Variants in SLITRK3 observed in about 807,000 individuals in gnomAD.
SLITRK3 encodes the protein SLIT and NTRK-like protein 3.
In SLITRK3, 16 loss-of-function variants were observed where a neutral mutation model predicts 63.6. That is an observed-to-expected ratio of 0.25 (90% CI 0.17 to 0.38). The LOEUF (loss-of-function observed/expected upper bound fraction) is 0.38. Among genes scored for constraint, SLITRK3 ranks in the 10% least tolerant of loss-of-function variants. The pLI is 1.00. For missense variants in SLITRK3, 1,117 were observed against 1,181.4 expected (o/e 0.95, Z 0.80); for synonymous variants, 547 against 451.6 (o/e 1.21, Z -2.68).
At chr3:165,191,136 A>G (rs1397923019) in intron 1 of SLITRK3, among the ~76,000 whole-genome samples, 1 of 152,218 alleles carries the variant, frequency 6.6e-6, no homozygotes, top group Admixed American at 6.5e-5. Flanking sequence ...CCTCTGTATA[A>G]CAAACAACAG....
chr3:165,188,476 C>T lies in SLITRK3; in HGVS notation c.2355G>A (p.Pro785=). Residue 785 remains proline (P), a synonymous_variant, in exon 2 of 2, where the codon CCG becomes CCA. Transcript: ENST00000475390. ...TTCCTAGGAGAGCCTCACCCATTCC[C>T]GGTGGTTGTGTCCCTGGACCCCCAC... The part of the protein sequence containing the change: ...AERGGPGTQP[P]GMGEALLGSE... 4.3e-6 allele frequency: 7 copies of T among 1,613,974 alleles called. No individual in the cohort carries two copies. Among genetic ancestry groups the T allele is most frequent in the Admixed American group, 1.7e-5 (1 of 60,000 alleles).
chr3:165,191,052 A>T (rs1718205827), intron 1 of SLITRK3, among the ~76,000 whole-genome samples: 1 of 152,220 alleles, frequency 6.6e-6, no homozygotes, highest in South Asian at 2.1e-4. Flanking sequence ...ATATTGAACC[A>T]TGCAGTGACA....
rs573143996 is a variant in SLITRK3, at chr3:165,188,782, T to A, written c.2049A>T (p.Arg683=). The A allele has an allele frequency of 6.2e-7, 1 of 1,614,170 alleles. No homozygotes were observed. Among genetic ancestry groups the A allele is most frequent in the Admixed American group, 1.7e-5 (1 of 60,022 alleles). ...GCTTGCTTCTGAAGGGCAGCTTCTTTCGACGCCTTCGGAGCACGTAGGCAA... is the reference window on the plus strand; with the variant it reads ...GCTTGCTTCTGAAGGGCAGCTTCTTACGACGCCTTCGGAGCACGTAGGCAA... ...GLFAYVLRRR[R]KKLPFRSKRQ... Residue 683 remains arginine (R), a synonymous_variant, in exon 2 of 2, where the codon CGA becomes CGT. Coordinates refer to ENST00000475390, the MANE Select transcript of SLITRK3 (RefSeq NM_001318810.2).
At chr3:165,194,081 G>A (rs149116643) in intron 1 of SLITRK3, among the ~76,000 whole-genome samples, 19 of 152,192 alleles carry the variant, frequency 1.2e-4, no homozygotes, top group Non-Finnish European at 2.2e-4. Flanking sequence ...TAATCAACAG[G>A]ACCCGTGTGC....
In SLITRK3 at chr3:165,195,638, G is replaced by A. The variant is rs1166723341; in HGVS notation, c.-80C>T. ...TGCTGCGAGGGGCTACCCAGCAGGA[G>A]GGGCAAACTCTCTGCGAAGCTGAAT... On this transcript the variant is annotated 5_prime_UTR_variant, in exon 1 of 2. Coordinates refer to ENST00000475390, the MANE Select transcript of SLITRK3 (RefSeq NM_001318810.2). 1 of 152,526 alleles carries A rather than the reference G, an allele frequency of 6.6e-6. No homozygotes were observed. The highest frequency in any genetic ancestry group is 6.5e-5 in the Admixed American group (1 of 15,284). 9.4% of individuals were successfully genotyped at this position (152,526 alleles called of 1,614,324 possible).
In SLITRK3 at chr3:165,190,389, A is replaced by G; in HGVS notation, c.442T>C (p.Leu148=). The G allele has an allele frequency of 1.2e-6, 2 of 1,614,076 alleles. No homozygotes were observed. Among genetic ancestry groups the G allele is most frequent in the Non-Finnish European group, 8.5e-7 (1 of 1,179,992 alleles). Residue 148 remains leucine (L), a synonymous_variant, in exon 2 of 2, where the codon TTG becomes CTG. Coordinates refer to ENST00000475390, the MANE Select transcript of SLITRK3 (RefSeq NM_001318810.2). ...DVFRNDTFLG[L]ESLEYLQADY... ...GCCTGCAGATATTCTAGACTTTCCA[A>G]GCCAAGGAAGGTGTCATTTCTGAAG...
intron 1 of SLITRK3, among the ~76,000 whole-genome samples, chr3:165,191,791 G>T (rs1718236322): frequency 1.3e-5 from 2 of 152,310 alleles, no homozygotes; most frequent in Non-Finnish European, 2.9e-5. Flanking sequence ...CAGGTGGCTG[G>T]TTAGAGGGGA....
At chr3:165,193,457 G>C (rs749629776) in intron 1 of SLITRK3, among the ~76,000 whole-genome samples, 1 of 151,876 alleles carries the variant, frequency 6.6e-6, no homozygotes, top group Admixed American at 6.6e-5. Context: ...CTGCAATGAC[G>C]GGGATGGGGG....
upstream of SLITRK3, among the ~76,000 whole-genome samples, chr3:165,196,432 CGGGGGA>C (rs1718418681): frequency 1.2e-4 from 2 of 16,408 alleles, no homozygotes; most frequent in East Asian, 1.9e-3. Context: ...GGAGAAGGTG[CGGGGGA>C]GGGGGGTGGG....
At chr3:165,195,235 A>C (rs1718375856) in intron 1 of SLITRK3, among the ~76,000 whole-genome samples, 1 of 152,142 alleles carries the variant, frequency 6.6e-6, no homozygotes, top group Admixed American at 6.5e-5. Flanking sequence ...TTAGAAACGG[A>C]AAATTATTAA....
At chr3:165,191,278 C>T (rs1172335517) in intron 1 of SLITRK3, among the ~76,000 whole-genome samples, 1 of 152,178 alleles carries the variant, frequency 6.6e-6, no homozygotes, top group Non-Finnish European at 1.5e-5. Context: ...CTGATTGGAA[C>T]TCTGATGGGA....
chr3:165,191,077 G>A (rs992775606), intron 1 of SLITRK3, among the ~76,000 whole-genome samples: 3 of 152,162 alleles, frequency 2.0e-5, no homozygotes, highest in African/African-American at 7.2e-5. Context: ...CCTGAACCAA[G>A]CCATACTTGG....
rs1209725435 is a variant in SLITRK3, at chr3:165,189,034, G to A, written c.1797C>T (p.His599=). The A allele has an allele frequency of 4.3e-6, 7 of 1,614,064 alleles. No homozygotes were observed. Among genetic ancestry groups the A allele is most frequent in the Middle Eastern group, 3.3e-4 (2 of 6,084 alleles). The change falls in exon 2 of 2, where the codon CAC becomes CAT. Residue 599 remains histidine, a synonymous_variant. Coordinates refer to ENST00000475390, the MANE Select transcript of SLITRK3 (RefSeq NM_001318810.2). This position sits in a 1 kb window ranked among gnomAD's most constrained non-coding sequence, Gnocchi z 4.0. ...VLCRSPENLT[H]RDVRTIELEV... ...CCAGCTCAATAGTGCGCACATCACGGTGCGTGAGGTTCTCAGGGCTCCTGC... is the reference window on the plus strand; with the variant it reads ...CCAGCTCAATAGTGCGCACATCACGATGCGTGAGGTTCTCAGGGCTCCTGC...
chr3:165,189,919 A>G lies in SLITRK3; in HGVS notation c.912T>C (p.Asn304=), dbSNP rs772633462. The change falls in exon 2 of 2, where the codon AAT becomes AAC. Residue 304 remains asparagine (N), a synonymous_variant. Transcript: ENST00000475390. This position sits in a 1 kb window ranked among gnomAD's most constrained non-coding sequence, Gnocchi z 4.0. The part of the protein sequence containing the change: ...GIPHSSSSKE[N]AWPTKPSSML... ...TTGAGGAAGGCTTAGTTGGCCATGC[A>G]TTCTCCTTACTTGATGACGAATGTG... is the stretch of plus-strand genomic sequence containing the variant. The G allele has an allele frequency of 4.3e-6, 7 of 1,614,036 alleles. No homozygotes were observed. The South Asian group carries it at 4.4e-5, about 10-fold the overall frequency.
Position 165,190,353 on chromosome 3 carries a change from C to T in SLITRK3, c.478G>A (p.Val160Ile), listed in dbSNP as rs926772899. The T allele has an allele frequency of 6.2e-7, 1 of 1,614,158 alleles. No homozygotes were observed. Among genetic ancestry groups the T allele is most frequent in the Non-Finnish European group, 8.5e-7 (1 of 1,180,032 alleles). Reference sequence around the variant, plus strand: ...GCCCCACTCTCAATACGTTTAATGACATTGTAATCTGCCTGCAGATATTCT... The same window carrying T: ...GCCCCACTCTCAATACGTTTAATGATATTGTAATCTGCCTGCAGATATTCT... ...SLEYLQADYNVIKRIESGAFR... is the reference protein window; with the variant it reads ...SLEYLQADYNIIKRIESGAFR... Residue 160 changes from valine to isoleucine, a missense_variant, in exon 2 of 2, where the codon GTC (valine) becomes ATC (isoleucine). Physicochemically the swap from Val to Ile is conservative, Grantham distance 29. This residue lies in a region of SLITRK3 where 452 missense variants were observed against 495.3 expected (regional missense o/e 0.91). Transcript: ENST00000475390.
chr3:165,192,311 T>C (rs1718259491), intron 1 of SLITRK3, among the ~76,000 whole-genome samples: 1 of 152,032 alleles, frequency 6.6e-6, no homozygotes, highest in Non-Finnish European at 1.5e-5. Context: ...TACTCAAAAA[T>C]TAAAAACAAT....
Position 165,189,619 on chromosome 3 carries a change from A to G in SLITRK3, c.1212T>C (p.Leu404=). 2 of 1,614,182 alleles carry G rather than the reference A, an allele frequency of 1.2e-6. No individual in the cohort carries two copies. The highest frequency in any genetic ancestry group is 1.7e-6 in the Non-Finnish European group (2 of 1,180,038). Residue 404 remains leucine, a synonymous_variant, in exon 2 of 2, where the codon CTT becomes CTC. Transcript: ENST00000475390. This position sits in a 1 kb window ranked among gnomAD's most constrained non-coding sequence, Gnocchi z 4.0. ...ERGFNNISEL[L]PRPLNAKKLY... is the part of the protein sequence containing the mutation. Reference sequence around the variant, plus strand: ...GTTTCTTGGCATTCAAGGGCCTTGGAAGAAGTTCAGAAATGTTATTAAATC... The same window carrying G: ...GTTTCTTGGCATTCAAGGGCCTTGGGAGAAGTTCAGAAATGTTATTAAATC...
rs1480459284 is a variant in SLITRK3 at position 165,196,160 on chromosome 3, G to C, written c.-602C>G. 6.6e-6 allele frequency among the ~76,000 whole-genome samples: 1 copy of C among 150,774 alleles called. No individual in the cohort carries two copies. Among genetic ancestry groups the C allele is most frequent in the East Asian group, 2.0e-4 (1 of 5,070 alleles). On this transcript the variant is annotated 5_prime_UTR_variant, in exon 1 of 2. Transcript: ENST00000475390. Reference sequence around the variant, plus strand: ...GAGTGGGGGTTGGTGGCGTGTAGATGAGAGAAGAAAAGGGTGGGGAGAGGC... The same window carrying C: ...GAGTGGGGGTTGGTGGCGTGTAGATCAGAGAAGAAAAGGGTGGGGAGAGGC...
Position 165,189,238 on chromosome 3 carries a change from C to T in SLITRK3, c.1593G>A (p.Arg531=). The change falls in exon 2 of 2, where the codon CGG becomes CGA. Residue 531 remains arginine, a synonymous_variant. Coordinates refer to ENST00000475390, the MANE Select transcript of SLITRK3 (RefSeq NM_001318810.2). The surrounding 1 kb of genome is among the most constrained non-coding windows in gnomAD (Gnocchi z 4.0). ...GGAAGTAGTTCTTCCTCAGGTTGAG[C>T]CGGGCCAGGGATGTGCCAGCAAAGG... ...TDAFAGTSLA[R]LNLRKNYFLY... 1 of 1,614,180 alleles carries T rather than the reference C, an allele frequency of 6.2e-7. No homozygotes were observed. The highest frequency in any genetic ancestry group is 8.5e-7 in the Non-Finnish European group (1 of 1,180,046).
Sources: gnomAD v4.1 joint callset for allele counts (sites outside exome capture counted in the v4.1 genomes callset) on GRCh38, gnomAD v4.1.1 for gene constraint, gnomAD v4.1.1 regional missense constraint, Gnocchi (gnomAD v3.1) non-coding constraint, MANE v1.5 for transcripts, NCBI Gene and HGNC (gene_info 2026-07-23, HGNC 2026-07-21) for gene names.